The following NCAM2 variants were observed in gnomAD, a reference collection of about 807,000 sequenced individuals.
NCAM2 encodes N-CAM-2.
A neutral mutation model predicts 98.1 loss-of-function variants in NCAM2; 30 were observed. The ratio of observed to expected loss-of-function variants is 0.31; its 90% CI spans 0.23 to 0.41. The LOEUF (loss-of-function observed/expected upper bound fraction) is 0.41, where lower values mean the gene tolerates loss of function less well. Ranked by LOEUF, NCAM2 falls within the 10% of genes least tolerant of loss-of-function variation. The pLI, the probability that NCAM2 is intolerant of heterozygous loss-of-function variation, is 1.00. For missense variants in NCAM2, 867 were observed against 1,005.8 expected, an observed-to-expected ratio of 0.86 and a Z score of 1.87; for synonymous variants, 368 against 342.4, an observed-to-expected ratio of 1.07 and a Z score of -0.83.
intron 1 of NCAM2, among the ~76,000 whole-genome samples, chr21:21,174,121 T>C (rs1400583974): frequency 6.6e-6 from 1 of 152,142 alleles, no homozygotes; most frequent in Non-Finnish European, 1.5e-5. Context: ...GGTTTCACCA[T>C]GTTGGCCAAG....
At chr21:21,214,824 G>GTA (rs904131226) in intron 1 of NCAM2, among the ~76,000 whole-genome samples, 15 of 143,516 alleles carry the variant, frequency 1.0e-4, no homozygotes, top group Admixed American at 2.8e-4. Flanking sequence ...TCGAATATAT[G>GTA]TATATATATG....
intron 16 of NCAM2, among the ~76,000 whole-genome samples, chr21:21,511,590 A>T: frequency 6.6e-6 from 1 of 151,870 alleles, no homozygotes; most frequent in Non-Finnish European, 1.5e-5. Flanking sequence ...TTTTTTTAAA[A>T]ATTTTTGATA....
At chr21:21,098,821 T>A (rs548816608) in intron 1 of NCAM2, among the ~76,000 whole-genome samples, 171 of 151,910 alleles carry the variant, frequency 1.1e-3, no homozygotes, top group African/African-American at 3.0e-3. Context: ...CAATTTTTTT[T>A]AAAAAATTCA....
chr21:21,193,780 C>T (rs894364658), intron 1 of NCAM2, among the ~76,000 whole-genome samples: 4 of 152,084 alleles, frequency 2.6e-5, no homozygotes, highest in African/African-American at 9.7e-5. Context: ...AGGCATGAGC[C>T]ACCGCACCTG....
intron 1 of NCAM2, among the ~76,000 whole-genome samples, chr21:21,243,766 C>T (rs1356984237): frequency 6.6e-6 from 1 of 152,124 alleles, no homozygotes; most frequent in East Asian, 1.9e-4. Flanking sequence ...TCCTAAAGCT[C>T]ACACACATCT....
chr21:21,027,473 A>G lies in NCAM2; in HGVS notation c.55+28855A>G, dbSNP rs554802018. ...TCCAATACAATTTCTAATTATAACC[A>G]TACTCTCACATTTGGAAATAATTTG... On this transcript the variant is annotated intron_variant, in intron 1 of 17. Transcript: ENST00000400546. 5.3e-5 allele frequency among the ~76,000 whole-genome samples: 8 copies of G among 152,230 alleles called. No homozygotes were observed. In the South Asian group the frequency reaches 1.7e-3, roughly 32 times the overall value.
intron 1 of NCAM2, chr21:21,147,238 A>G (rs753491799): frequency 1.0e-6 from 1 of 985,314 alleles, no homozygotes; most frequent in South Asian, 4.7e-5. Context: ...CGTACCCGGC[A>G]TTTCAACAAA....
In NCAM2 at chr21:21,423,378, A is replaced by C. The variant is rs142089324; in HGVS notation, c.1480+4809A>C. Among the ~76,000 whole-genome samples the C allele has an allele frequency of 1.7e-3, 266 of 152,302 alleles. 3 individuals are homozygous for C. The highest frequency in any genetic ancestry group is 0.01 in the Middle Eastern group (3 of 294). On this transcript the variant is annotated intron_variant, in intron 11 of 17. Transcript: ENST00000400546. ...CCCAGCACATGACAAGTACTCAACA[A>C]ATATTAGGTAGGTATTATTATGGCC...
At chr21:21,534,099 T>A (rs1449237442) in intron 16 of NCAM2, among the ~76,000 whole-genome samples, 1 of 152,044 alleles carries the variant, frequency 6.6e-6, no homozygotes, top group Non-Finnish European at 1.5e-5. Flanking sequence ...GTATTTCAAA[T>A]ATTTTAAAAT....
chr21:21,200,313 C>T (rs79812419), intron 1 of NCAM2, among the ~76,000 whole-genome samples: 82 of 151,190 alleles, frequency 5.4e-4, no homozygotes, highest in African/African-American at 1.6e-3. Context: ...TACCAGGAAA[C>T]GCTGCGTGAG....
intron 1 of NCAM2, among the ~76,000 whole-genome samples, chr21:21,138,527 G>A (rs1350205347): frequency 6.6e-6 from 1 of 152,022 alleles, no homozygotes; most frequent in Non-Finnish European, 1.5e-5. Context: ...GAGTTGACTG[G>A]TATTTCCCTC....
chr21:21,319,881 G>T (rs966346388), intron 5 of NCAM2, among the ~76,000 whole-genome samples: 1 of 152,062 alleles, frequency 6.6e-6, no homozygotes, highest in Non-Finnish European at 1.5e-5. Flanking sequence ...TGCTGTCTAA[G>T]GAAGGAAATA....
At chr21:21,358,710 C>T (rs977959355) in intron 8 of NCAM2, among the ~76,000 whole-genome samples, 6 of 152,118 alleles carry the variant, frequency 3.9e-5, no homozygotes, top group African/African-American at 1.4e-4. Flanking sequence ...ACTGATTTAT[C>T]TGCTCTGTGA....
chr21:21,439,067 CACA>C (rs1335030609), intron 12 of NCAM2, among the ~76,000 whole-genome samples: 1 of 151,436 alleles, frequency 6.6e-6, no homozygotes, highest in Non-Finnish European at 1.5e-5. Flanking sequence ...ACCTGGGCAA[CACA>C]ACAAGATACT....
rs1009609779 is a variant in NCAM2, at chr21:21,290,708, C to T, written c.482-1396C>T. Reference sequence around the variant, plus strand: ...TGCATTTTCACCCCTGATTAGTTACCTCTTAAACAAAAAGCAACTACAGGC... The same window carrying T: ...TGCATTTTCACCCCTGATTAGTTACTTCTTAAACAAAAAGCAACTACAGGC... On this transcript the variant is annotated intron_variant, in intron 4 of 17. Coordinates refer to ENST00000400546, the MANE Select transcript of NCAM2 (RefSeq NM_004540.5). Among the ~76,000 whole-genome samples the T allele has an allele frequency of 3.3e-5, 5 of 151,790 alleles. No individual in the cohort carries two copies. The Admixed American group carries it at 3.3e-4, about 10-fold the overall frequency.
At chr21:21,458,344 G>A (rs1167033070) in intron 12 of NCAM2, among the ~76,000 whole-genome samples, 5 of 152,324 alleles carry the variant, frequency 3.3e-5, no homozygotes, top group Middle Eastern at 3.4e-3. Context: ...CTGCCTCCAC[G>A]TGGATTTCAG....
chr21:21,009,802 A>G (rs986023587), intron 1 of NCAM2, among the ~76,000 whole-genome samples: 2 of 151,576 alleles, frequency 1.3e-5, no homozygotes, highest in Non-Finnish European at 2.9e-5. Flanking sequence ...CTTAGTTTTT[A>G]AGAGATACTT....
intron 8 of NCAM2, among the ~76,000 whole-genome samples, chr21:21,369,587 A>G (rs573115561): frequency 3.6e-4 from 54 of 151,902 alleles, no homozygotes; most frequent in African/African-American, 9.9e-4. Context: ...TGAGGGTGCC[A>G]ATTTCTTCAC....
chr21:21,350,816 G>A (rs1032368388), intron 8 of NCAM2, among the ~76,000 whole-genome samples: 4 of 151,740 alleles, frequency 2.6e-5, no homozygotes, highest in African/African-American at 7.3e-5. Context: ...GGTCGGGTGC[G>A]GTGGCTCACG....
Sources: allele counts gnomAD v4.1 joint callset (sites outside exome capture counted in the v4.1 genomes callset), GRCh38; gene constraint gnomAD v4.1.1; transcripts MANE v1.5; gene names NCBI Gene and HGNC (gene_info 2026-07-23, HGNC 2026-07-21).